The following SASH1 variants were observed in gnomAD, a reference collection of about 807,000 sequenced individuals.
SASH1 encodes the protein SAM and SH3 domain containing 1.
SASH1 carries 44 observed loss-of-function variants against 125.2 expected under a neutral mutation model. That is an observed-to-expected ratio of 0.35 (90% CI 0.28 to 0.45). The LOEUF (loss-of-function observed/expected upper bound fraction) is 0.45, where lower values mean the gene tolerates loss of function less well. Among genes scored for constraint, SASH1 ranks in the 20% least tolerant of loss-of-function variants. The pLI is 1.00. For missense variants in SASH1, 1,426 were observed against 1,614.5 expected (o/e 0.88, Z 2.00); for synonymous variants, 639 against 649.1 (o/e 0.98, Z 0.24).
upstream of SASH1, among the ~76,000 whole-genome samples, chr6:148,270,904 C>CTT (rs780443533): frequency 1.6e-3 from 206 of 127,576 alleles, no homozygotes; most frequent in Admixed American, 2.5e-3. Flanking sequence ...TCATCCACAA[C>CTT]TTTTTTTTTT....
At chr6:148,350,172 C>A (rs1257618227) in intron 1 of SASH1, among the ~76,000 whole-genome samples, 1 of 152,052 alleles carries the variant, frequency 6.6e-6, no homozygotes, top group Admixed American at 6.6e-5. Context: ...AAGGAAAAGG[C>A]GGCCAGGCAC....
chr6:148,259,880 T>C, the SASH1 span, among the ~76,000 whole-genome samples: 124,676 of 151,554 alleles, frequency 0.82, 51,479 homozygotes, highest in African/African-American at 0.89. Flanking sequence ...TGACTTTTTA[T>C]CTATTTATTT....
intron 2 of SASH1, among the ~76,000 whole-genome samples, chr6:148,428,078 A>G (rs1464938505): frequency 6.6e-6 from 1 of 152,212 alleles, no homozygotes; most frequent in Non-Finnish European, 1.5e-5. Context: ...AAAGTATAGT[A>G]ACATCCATCT....
At chr6:148,512,381 C>T in intron 8 of SASH1, 1 of 653,244 alleles carries the variant, frequency 1.5e-6, no homozygotes, top group Non-Finnish European at 1.9e-6. Flanking sequence ...GTTGATTCTT[C>T]TTCTATTAGA....
At chr6:148,433,353 C>G (rs1776140103) in intron 2 of SASH1, among the ~76,000 whole-genome samples, 1 of 151,706 alleles carries the variant, frequency 6.6e-6, no homozygotes, top group Non-Finnish European at 1.5e-5. Context: ...TATTTCAATA[C>G]TAGCCATGAC....
At position 148,534,861 on chromosome 6, in the gene SASH1, T is replaced by C; in HGVS notation, c.2055T>C (p.Ala685=). The change falls in exon 16 of 20, where the codon GCT becomes GCC. Residue 685 remains alanine, a synonymous_variant. Transcript: ENST00000367467. ...ATATCAGGGACCCGGAACACAGAGC[T>C]GTTCTCTTGACAGCAGTGGAGCTGT... The part of the protein sequence containing the change: ...ELNIRDPEHR[A]VLLTAVELLQ... The C allele has an allele frequency of 6.2e-7, 1 of 1,614,248 alleles. No homozygotes were observed. The highest frequency in any genetic ancestry group is 8.5e-7 in the Non-Finnish European group (1 of 1,180,050).
At chr6:148,193,972 G>T in the SASH1 span, among the ~76,000 whole-genome samples, 1 of 152,122 alleles carries the variant, frequency 6.6e-6, no homozygotes, top group African/African-American at 2.4e-5. Context: ...CTCTGTGTTG[G>T]ATTTTTACTT....
chr6:148,531,940 A>T (rs28566753), intron 13 of SASH1, among the ~76,000 whole-genome samples: 2,681 of 152,256 alleles, frequency 0.018, 90 homozygotes, highest in African/African-American at 0.061. Context: ...GGAATAAGCC[A>T]GGGAGACAAG....
At chr6:148,451,377 T>C (rs570170130) in intron 4 of SASH1, among the ~76,000 whole-genome samples, 1 of 152,322 alleles carries the variant, frequency 6.6e-6, no homozygotes, top group Non-Finnish European at 1.5e-5. Context: ...TAAAGACACC[T>C]CTAAATAAAC....
At chr6:148,193,973 A>G in the SASH1 span, among the ~76,000 whole-genome samples, 1 of 152,090 alleles carries the variant, frequency 6.6e-6, no homozygotes, top group South Asian at 2.1e-4. Flanking sequence ...TCTGTGTTGG[A>G]TTTTTACTTT....
chr6:148,362,105 T>C (rs1208346872), intron 1 of SASH1, among the ~76,000 whole-genome samples: 1 of 151,456 alleles, frequency 6.6e-6, no homozygotes, highest in Non-Finnish European at 1.5e-5. Context: ...TTTGTTGTAT[T>C]TTTAGTAGAG....
At chr6:148,279,539 A>G (rs763086916) in intron 1 of SASH1, among the ~76,000 whole-genome samples, 2 of 152,178 alleles carry the variant, frequency 1.3e-5, no homozygotes, top group Non-Finnish European at 1.5e-5. Flanking sequence ...CTAAGATTAC[A>G]CAAAAACACT....
chr6:148,212,655 T>C, the SASH1 span, among the ~76,000 whole-genome samples: 2 of 152,316 alleles, frequency 1.3e-5, no homozygotes, highest in East Asian at 1.9e-4. Flanking sequence ...TAGAATTACA[T>C]GTGTGGAACT....
chr6:148,539,046 G>GTGAT (rs984376619), intron 16 of SASH1, among the ~76,000 whole-genome samples: 1 of 151,124 alleles, frequency 6.6e-6, no homozygotes, highest in African/African-American at 2.4e-5. Flanking sequence ...GGCTTTCCAC[G>GTGAT]TGATTTACTT....
intron 1 of SASH1, among the ~76,000 whole-genome samples, chr6:148,298,714 A>AAGGAAGGAAGGAAGG (rs1562312251): frequency 1.8e-4 from 14 of 77,148 alleles, no homozygotes; most frequent in Admixed American, 3.8e-4. Flanking sequence ...AGGAAGGAAG[A>AAGGAAGGAAGGAAGG]AGGAAGGGAA....
At chr6:148,272,067 G>A (rs1256956428), upstream of SASH1, among the ~76,000 whole-genome samples, 4 of 152,054 alleles carry the variant, frequency 2.6e-5, no homozygotes, top group East Asian at 5.8e-4. Flanking sequence ...TTTAAAGTCC[G>A]AGAACCCGAA....
At chr6:148,487,011 A>G (rs61542592) in intron 7 of SASH1, among the ~76,000 whole-genome samples, 1 of 101,726 alleles carries the variant, frequency 9.8e-6, no homozygotes, top group East Asian at 2.5e-4. Context: ...GCTTATATAT[A>G]TGTTTTTATA....
intron 1 of SASH1, among the ~76,000 whole-genome samples, chr6:148,351,399 T>C (rs1056596012): frequency 2.6e-5 from 4 of 152,110 alleles, no homozygotes; most frequent in Non-Finnish European, 4.4e-5. Flanking sequence ...CTGATGCAAG[T>C]TCCATTCATG....
intron 8 of SASH1, among the ~76,000 whole-genome samples, chr6:148,492,216 A>T: frequency 6.6e-6 from 1 of 152,330 alleles, no homozygotes; most frequent in East Asian, 1.9e-4. Context: ...TTTAGGAAAA[A>T]GTTAATATAA....
Sources: allele counts gnomAD v4.1 joint callset (sites outside exome capture counted in the v4.1 genomes callset), GRCh38; gene constraint gnomAD v4.1.1; transcripts MANE v1.5; gene names NCBI Gene and HGNC (gene_info 2026-07-23, HGNC 2026-07-21).